WWP2: variants seen among roughly 807,000 people sequenced by gnomAD.
The protein encoded by WWP2 is WW domain containing E3 ubiquitin protein ligase 2, also known as NEDD4-like E3 ubiquitin-protein ligase WWP2.
In WWP2, 57 loss-of-function variants were observed where a neutral mutation model predicts 121.0. The observed-to-expected ratio is 0.47, with a 90% CI of 0.38 to 0.59. WWP2 has a LOEUF of 0.59. WWP2 is among the 20% of genes least tolerant of loss of function. The pLI is 0.00. For missense variants in WWP2, 962 were observed against 1,158.9 expected (o/e 0.83, Z 2.47); for synonymous variants, 449 against 441.3 (o/e 1.02, Z -0.22).
chr16:69,923,968 G>C lies in WWP2; in HGVS notation c.1180-1462G>C, dbSNP rs76384477. 2.6e-5 allele frequency among the ~76,000 whole-genome samples: 4 copies of C among 151,582 alleles called. No individual in the cohort carries two copies. In the South Asian group the frequency reaches 6.3e-4, roughly 24 times the overall value. Reference sequence around the variant, plus strand: ...AATTCGGGAGATTTTTTTCAGTAATGATTCAACGTGATTTGTGATGGAGAA... The same window carrying C: ...AATTCGGGAGATTTTTTTCAGTAATCATTCAACGTGATTTGTGATGGAGAA... On this transcript the variant is annotated intron_variant, in intron 10 of 23. Coordinates refer to ENST00000359154, the MANE Select transcript of WWP2 (RefSeq NM_001270454.2).
At chr16:69,769,385 T>G (rs2055366621) in intron 1 of WWP2, among the ~76,000 whole-genome samples, 1 of 151,786 alleles carries the variant, frequency 6.6e-6, no homozygotes, top group African/African-American at 2.4e-5. Context: ...AAGCTCTGCC[T>G]GTTTCTACAG....
At chr16:69,762,561 G>C (rs2038635188) in intron 1 of WWP2, among the ~76,000 whole-genome samples, 170 bp downstream of exon 1, 1 of 151,036 alleles carries the variant, frequency 6.6e-6, no homozygotes, top group South Asian at 2.1e-4. Flanking sequence ...GAGGAGGGGT[G>C]TCCCGGCTCC....
intron 4 of WWP2, among the ~76,000 whole-genome samples, chr16:69,814,453 TAA>T (rs5817674): frequency 0.85 from 129,343 of 151,918 alleles, 55,370 homozygotes; most frequent in Admixed American, 0.91. Context: ...ACACTATTTA[TAA>T]ATATTTACAA....
chr16:69,795,272 A>ACC (rs1050777122), intron 2 of WWP2, among the ~76,000 whole-genome samples: 39 of 151,420 alleles, frequency 2.6e-4, no homozygotes, highest in Non-Finnish European at 4.4e-4. Context: ...ACACACACAC[A>ACC]CACACACACA....
intron 4 of WWP2, among the ~76,000 whole-genome samples, chr16:69,819,168 A>G (rs768772391): frequency 4.6e-5 from 7 of 152,256 alleles, no homozygotes; most frequent in Admixed American, 1.3e-4. Flanking sequence ...ACCCATGTCC[A>G]AGTCACTTCT....
At chr16:69,834,818 G>T (rs1390684868) in intron 4 of WWP2, among the ~76,000 whole-genome samples, 1 of 149,930 alleles carries the variant, frequency 6.7e-6, no homozygotes, top group East Asian at 2.0e-4. Context: ...GTGAGCCATG[G>T]CGCCCAGCCT....
intron 12 of WWP2, 147 bp from the exon 13 acceptor site, chr16:69,929,983 G>C (rs79839225): frequency 1.4e-5 from 17 of 1,240,422 alleles, no homozygotes; most frequent in Non-Finnish European, 1.8e-5. Flanking sequence ...CTGTTCTCAC[G>C]ACTTGGGTCA....
intron 4 of WWP2, chr16:69,838,830 T>G: frequency 2.0e-6 from 2 of 985,454 alleles, no homozygotes; most frequent in Non-Finnish European, 2.4e-6. Flanking sequence ...GAGAGATCCA[T>G]GGCAGGGAAG....
At chr16:69,798,949 C>T (rs2056106233) in intron 3 of WWP2, 120 bp downstream of exon 3, 1 of 1,441,928 alleles carries the variant, frequency 6.9e-7, no homozygotes, top group African/African-American at 1.4e-5. Flanking sequence ...ACCTATGGTA[C>T]CCAAGGTGAC....
intron 4 of WWP2, among the ~76,000 whole-genome samples, chr16:69,837,951 G>A (rs951372978): frequency 3.3e-5 from 5 of 152,224 alleles, no homozygotes; most frequent in East Asian, 3.9e-4. Flanking sequence ...GCTAGGGCGC[G>A]GTGGCTCACT....
intron 4 of WWP2, among the ~76,000 whole-genome samples, chr16:69,809,948 G>A (rs1304615046): frequency 1.3e-5 from 2 of 152,238 alleles, no homozygotes; most frequent in Non-Finnish European, 2.9e-5. Context: ...CTTGCTCTTG[G>A]TGTGGAACAA....
At chr16:69,893,768 G>A (rs1295555719) in intron 8 of WWP2, among the ~76,000 whole-genome samples, 1 of 152,004 alleles carries the variant, frequency 6.6e-6, no homozygotes, top group Non-Finnish European at 1.5e-5. Context: ...GTGCTCGAAC[G>A]CCTGACCTCA....
intron 1 of WWP2, among the ~76,000 whole-genome samples, chr16:69,773,183 T>C (rs2055455026): frequency 6.6e-6 from 1 of 150,656 alleles, no homozygotes; most frequent in African/African-American, 2.4e-5. Context: ...TACACGTTGC[T>C]CCTTTTTTTT....
At chr16:69,847,766 C>A (rs967451605) in intron 6 of WWP2, among the ~76,000 whole-genome samples, 6 of 152,138 alleles carry the variant, frequency 3.9e-5, no homozygotes, top group Admixed American at 2.6e-4. Context: ...CACTCACCCC[C>A]ATGAGAGGAC....
intron 6 of WWP2, 62 bp from the exon 7 acceptor site, chr16:69,871,742 G>A (rs1338009766): frequency 6.3e-7 from 1 of 1,595,294 alleles, no homozygotes; most frequent in East Asian, 2.2e-5. Context: ...ACTTAGGTAG[G>A]AAACACTTCT....
At chr16:69,890,005 A>G (rs2057997147) in intron 8 of WWP2, among the ~76,000 whole-genome samples, 1 of 151,638 alleles carries the variant, frequency 6.6e-6, no homozygotes, top group Non-Finnish European at 1.5e-5. Flanking sequence ...CCCAGGCTGG[A>G]GTGCAGTAGT....
chr16:69,771,539 G>A (rs961302030), intron 1 of WWP2, among the ~76,000 whole-genome samples: 2 of 152,214 alleles, frequency 1.3e-5, no homozygotes, highest in Admixed American at 1.3e-4. Context: ...GAGGCACAGA[G>A]CCTGAAGGAC....
chr16:69,846,108 G>C (rs1004368335), intron 6 of WWP2, among the ~76,000 whole-genome samples: 5 of 149,074 alleles, frequency 3.4e-5, no homozygotes, highest in Non-Finnish European at 7.4e-5. Context: ...AGCCAGCATG[G>C]GACTGCCACC....
intron 4 of WWP2, among the ~76,000 whole-genome samples, chr16:69,826,196 G>A (rs958537007): frequency 2.7e-5 from 4 of 149,032 alleles, no homozygotes; most frequent in Non-Finnish European, 5.9e-5. Context: ...GGACTGAGGA[G>A]GCAGAGCTTG....
Sources: gnomAD v4.1 joint callset for allele counts (sites outside exome capture counted in the v4.1 genomes callset) on GRCh38, gnomAD v4.1.1 for gene constraint, MANE v1.5 for transcripts, NCBI Gene and HGNC (gene_info 2026-07-23, HGNC 2026-07-21) for gene names.